The following TCP11L2 variants were observed in gnomAD, a reference collection of about 807,000 sequenced individuals.
TCP11L2 encodes the protein t-complex 11 like 2, also known as T-complex protein 11-like protein 2.
Under a neutral mutation model 50.7 loss-of-function variants are expected in TCP11L2, and 39 were observed. That is an observed-to-expected ratio of 0.77 (90% CI 0.60 to 1.01). The LOEUF is 1.01. TCP11L2 is among the 50% of genes least tolerant of loss of function. TCP11L2 has a pLI of 0.00. For synonymous variants in TCP11L2, 192 were observed against 219.3 expected, an observed-to-expected ratio of 0.88 and a Z score of 1.10; for missense variants, 612 against 614.7, an observed-to-expected ratio of 1.00 and a Z score of 0.05.
At chr12:106,312,972 A>G (rs1209697003) in intron 2 of TCP11L2, among the ~76,000 whole-genome samples, 1 of 152,230 alleles carries the variant, frequency 6.6e-6, no homozygotes, top group Non-Finnish European at 1.5e-5. Flanking sequence ...AAGATTTCCA[A>G]CAGTGATTTT....
At chr12:106,330,241 A>G in intron 6 of TCP11L2, 2 of 985,340 alleles carry the variant, frequency 2.0e-6, no homozygotes, top group Non-Finnish European at 2.4e-6. Flanking sequence ...GTCAAATTTC[A>G]TTTAGTTCAT....
chr12:106,330,265 T>C (rs535753193), intron 6 of TCP11L2: 68 of 985,044 alleles, frequency 6.9e-5, no homozygotes, highest in Non-Finnish European at 8.0e-5. Context: ...GTAAGAGACA[T>C]TTTATTCAAA....
intron 1 of TCP11L2, among the ~76,000 whole-genome samples, chr12:106,308,907 A>G (rs2034737312): frequency 6.6e-6 from 1 of 152,234 alleles, no homozygotes; most frequent in Non-Finnish European, 1.5e-5. Context: ...GTCATGGACA[A>G]GACACAAACT....
chr12:106,326,507 G>A (rs2035551580), intron 6 of TCP11L2, among the ~76,000 whole-genome samples: 1 of 152,192 alleles, frequency 6.6e-6, no homozygotes, highest in African/African-American at 2.4e-5. Context: ...GCAGTAGTCA[G>A]TGCTAGCTAA....
chr12:106,340,704 A>G (rs2036067691), intron 8 of TCP11L2, 122 bp from the exon 9 acceptor site: 3 of 716,226 alleles, frequency 4.2e-6, no homozygotes, highest in Admixed American at 3.5e-5. Context: ...TCATTCTAAT[A>G]GAGGTTATTA....
chr12:106,323,207 A>G (rs1437240782), intron 5 of TCP11L2, among the ~76,000 whole-genome samples: 2 of 152,130 alleles, frequency 1.3e-5, no homozygotes, highest in South Asian at 2.1e-4. Context: ...AATAGAGGCC[A>G]TATACCCTGT....
intron 6 of TCP11L2, chr12:106,325,210 A>G (rs534800293): frequency 5.3e-5 from 8 of 152,172 alleles, no homozygotes; most frequent in Non-Finnish European, 1.0e-4. Flanking sequence ...AAAGTATAGG[A>G]GCTCACCTAG....
At chr12:106,323,199 T>A (rs1284629678) in intron 5 of TCP11L2, among the ~76,000 whole-genome samples, 1 of 152,202 alleles carries the variant, frequency 6.6e-6, no homozygotes, top group Non-Finnish European at 1.5e-5. Flanking sequence ...CCCTAAGGAA[T>A]AGAGGCCATA....
intron 9 of TCP11L2, among the ~76,000 whole-genome samples, chr12:106,344,346 A>G (rs2036172594): frequency 6.6e-6 from 1 of 152,202 alleles, no homozygotes; most frequent in African/African-American, 2.4e-5. Context: ...GAATATAAAG[A>G]TAAAAAAGAT....
chr12:106,338,194 G>A (rs2035981517), intron 8 of TCP11L2, among the ~76,000 whole-genome samples: 1 of 152,170 alleles, frequency 6.6e-6, no homozygotes, highest in African/African-American at 2.4e-5. Flanking sequence ...TATTTTAGGT[G>A]TAGGGGCACA....
At chr12:106,344,958 C>T (rs1404802190) in intron 9 of TCP11L2, among the ~76,000 whole-genome samples, 1 of 152,068 alleles carries the variant, frequency 6.6e-6, no homozygotes, top group Non-Finnish European at 1.5e-5. Flanking sequence ...CTCAGTGTCT[C>T]CTGATTCTTG....
chr12:106,329,076 C>CA (rs111309297), intron 6 of TCP11L2, among the ~76,000 whole-genome samples: 4,874 of 143,626 alleles, frequency 0.034, 285 homozygotes, highest in African/African-American at 0.12. Context: ...TGTTGCCAGG[C>CA]AAAAAAAAAA....
chr12:106,317,853 C>T (rs1340441173), intron 3 of TCP11L2, among the ~76,000 whole-genome samples: 2 of 152,226 alleles, frequency 1.3e-5, no homozygotes, highest in African/African-American at 2.4e-5. Flanking sequence ...AGGAAGGCTT[C>T]TATTTCACCA....
chr12:106,339,002 G>T (rs371576394), intron 8 of TCP11L2, among the ~76,000 whole-genome samples: 1 of 152,104 alleles, frequency 6.6e-6, no homozygotes, highest in Admixed American at 6.6e-5. Context: ...ATAATTAGCC[G>T]AGCATGGTGG....
At chr12:106,326,893 C>T (rs887538400) in intron 6 of TCP11L2, among the ~76,000 whole-genome samples, 3 of 152,260 alleles carry the variant, frequency 2.0e-5, no homozygotes, top group African/African-American at 4.8e-5. Flanking sequence ...CTCTATGACT[C>T]CAAGGGCTAT....
chr12:106,314,638 C>T, intron 3 of TCP11L2, 145 bp downstream of exon 3: 2 of 714,642 alleles, frequency 2.8e-6, no homozygotes, highest in South Asian at 2.1e-5. Context: ...ACACTGATTC[C>T]TGGAAGTTCT....
rs114291268 is a variant in TCP11L2, at chr12:106,318,366, A to C, written c.316A>C (p.Ile106Leu). The change falls in exon 4 of 10, where the codon ATT becomes CTT. Residue 106 changes from isoleucine (I) to leucine (L), a missense_variant. Physicochemically the swap from Ile to Leu is conservative, Grantham distance 5. Transcript: ENST00000299045. ...EKSLAGRVKH[I>L]VHQAFWDVLD... ...TAGTTTGGCTGGTCGAGTGAAGCAC[A>C]TTGTTCACCAGGCCTTCTGGGACGT... is the stretch of plus-strand genomic sequence containing the variant. 2.8e-4 allele frequency: 446 copies of C among 1,613,940 alleles called. 1 individual carries two copies. In the African/African-American group the frequency reaches 5.4e-3, roughly 20 times the overall value.
chr12:106,312,149 C>A (rs1037483784), intron 2 of TCP11L2: 9 of 354,676 alleles, frequency 2.5e-5, no homozygotes, highest in Non-Finnish European at 4.3e-5. Context: ...AAAACATTTA[C>A]TCATGATTAC....
At position 106,310,897 on chromosome 12, in the gene TCP11L2, G is replaced by T. The variant is rs542205003; in HGVS notation, c.-35-144G>T. The T allele has an allele frequency of 4.0e-4, 271 of 678,840 alleles. No individual in the cohort carries two copies. In the African/African-American group the frequency reaches 4.5e-3, roughly 11 times the overall value. The allele number at this position is 678,840 out of a possible 1,614,324, so 42.1% of individuals were successfully genotyped here. ...TAGTGATCTGGCCTAGTCCGGCCAA[G>T]GTGCTGGGGGAAGGATGAGGTCATC... On this transcript the variant is annotated intron_variant, in intron 1 of 9. Coordinates refer to ENST00000299045, the MANE Select transcript of TCP11L2 (RefSeq NM_152772.3).
Sources: allele counts gnomAD v4.1 joint callset (sites outside exome capture counted in the v4.1 genomes callset), GRCh38; gene constraint gnomAD v4.1.1; transcripts MANE v1.5; gene names NCBI Gene and HGNC (gene_info 2026-07-23, HGNC 2026-07-21).